ABLIM1: variants seen among roughly 807,000 people sequenced by gnomAD.
ABLIM1 encodes actin binding LIM protein 1, also known as actin-binding LIM protein 1.
Under a neutral mutation model 107.0 loss-of-function variants are expected in ABLIM1, and 40 were observed. The ratio of observed to expected loss-of-function variants is 0.37; its 90% CI spans 0.29 to 0.49. The LOEUF is 0.49. ABLIM1 is among the 20% of genes least tolerant of loss of function. The pLI is 0.97. For synonymous variants in ABLIM1, 357 were observed against 357.3 expected (o/e 1.00, Z 0.01); for missense variants, 857 against 1,008.5 (o/e 0.85, Z 2.04).
At chr10:114,639,386 C>T (rs1334681633) in intron 1 of ABLIM1, among the ~76,000 whole-genome samples, 1 of 152,224 alleles carries the variant, frequency 6.6e-6, no homozygotes, top group Non-Finnish European at 1.5e-5. Flanking sequence ...TCCATGGTTA[C>T]ACAATTACTT....
intron 6 of ABLIM1, among the ~76,000 whole-genome samples, chr10:114,521,328 C>G (rs1015893115): frequency 6.6e-6 from 1 of 152,202 alleles, no homozygotes; most frequent in Non-Finnish European, 1.5e-5. Flanking sequence ...ACTTGCAAAA[C>G]AAAGATGAGA....
intron 6 of ABLIM1, among the ~76,000 whole-genome samples, chr10:114,534,192 G>A (rs1322524955): frequency 6.6e-6 from 1 of 152,152 alleles, no homozygotes; most frequent in Non-Finnish European, 1.5e-5. Context: ...CCAGGGATGG[G>A]AGCTGGGAGG....
chr10:114,439,312 C>T (rs2059872220), intron 20 of ABLIM1, 62 bp from the exon 21 acceptor site: 7 of 1,565,208 alleles, frequency 4.5e-6, no homozygotes, highest in Non-Finnish European at 6.2e-6. Flanking sequence ...GAAGGGAGTA[C>T]TCTTGGGCTC....
chr10:114,550,892 G>C (rs2067980394), intron 4 of ABLIM1, among the ~76,000 whole-genome samples: 1 of 152,200 alleles, frequency 6.6e-6, no homozygotes, highest in Admixed American at 6.5e-5. Flanking sequence ...GGAAGATGCT[G>C]TTCAATAGAA....
upstream of ABLIM1, among the ~76,000 whole-genome samples, chr10:114,660,986 A>G (rs2141246474): frequency 6.6e-6 from 1 of 152,084 alleles, no homozygotes; most frequent in Middle Eastern, 3.4e-3. Context: ...CATTAACTCT[A>G]CCTCAGTGCT....
At chr10:114,613,561 C>G in intron 1 of ABLIM1, 1 of 710,388 alleles carries the variant, frequency 1.4e-6, no homozygotes, top group Non-Finnish European at 2.1e-6. Context: ...GCTTTTCATT[C>G]AAGTGCTTAT....
At chr10:114,586,897 T>C (rs539872462) in intron 2 of ABLIM1, among the ~76,000 whole-genome samples, 8 of 152,356 alleles carry the variant, frequency 5.3e-5, no homozygotes, top group African/African-American at 1.7e-4. Flanking sequence ...TTAGTTCTTA[T>C]ACGTTAGGAA....
rs935920163 is a variant in ABLIM1 at position 114,767,518 on chromosome 10, C to T, written c.-213+543G>A. Among the ~76,000 whole-genome samples, 2 of 152,076 alleles carry T rather than the reference C, an allele frequency of 1.3e-5. 1 individual carries two copies. Among genetic ancestry groups the T allele is most frequent in the Admixed American group, 1.3e-4 (2 of 15,266 alleles). On this transcript the variant is annotated intron_variant, in intron 1 of 15. Coordinates refer to the ABLIM1 transcript ENST00000651092. ...CAATTCTGATTTTTTTTTCTTCCAC[C>T]CATTTCACCTGCAGTAATTGTTTTA...
intron 2 of ABLIM1, among the ~76,000 whole-genome samples, chr10:114,576,666 G>C (rs759822651): frequency 2.0e-5 from 3 of 152,038 alleles, no homozygotes; most frequent in African/African-American, 4.8e-5. Flanking sequence ...TGAAAGTCAC[G>C]ACTCCCCCAC....
At chr10:114,588,026 G>A (rs2074384516) in intron 2 of ABLIM1, among the ~76,000 whole-genome samples, 1 of 152,096 alleles carries the variant, frequency 6.6e-6, no homozygotes, top group Non-Finnish European at 1.5e-5. Context: ...CCCTATGAAG[G>A]CAGAGATCAC....
Position 114,473,239 on chromosome 10 carries a change from CA to C in ABLIM1, c.1120-108del. ...TAAAAAGTGAAGGCCTTAAAATAAA[CA>C]AAAACCAAAACATCTTGCCTAACAC... is the stretch of plus-strand genomic sequence containing the variant. On this transcript the variant is annotated intron_variant, in intron 9 of 22. Coordinates refer to ENST00000533213, the MANE Select transcript of ABLIM1 (RefSeq NM_002313.7). 4 of 1,096,010 alleles carry C rather than the reference CA, an allele frequency of 3.6e-6. No homozygotes were observed. In the African/African-American group the frequency reaches 4.7e-5, roughly 13 times the overall value. 67.9% of individuals were successfully genotyped at this position (1,096,010 alleles called of 1,614,324 possible).
chr10:114,796,487 A>G, the ABLIM1 span, among the ~76,000 whole-genome samples: 1 of 152,184 alleles, frequency 6.6e-6, no homozygotes, highest in Non-Finnish European at 1.5e-5. Flanking sequence ...CAACTAGACA[A>G]GAGTGAACAC....
At chr10:114,574,532 C>T (rs1167064403) in intron 3 of ABLIM1, among the ~76,000 whole-genome samples, 6 of 152,008 alleles carry the variant, frequency 3.9e-5, no homozygotes, top group Admixed American at 1.3e-4. Context: ...CTCCGCCTCC[C>T]GGGTTCAAGC....
chr10:114,664,363 G>A (rs1290231465), intron 1 of ABLIM1, among the ~76,000 whole-genome samples: 2 of 152,188 alleles, frequency 1.3e-5, no homozygotes, highest in Non-Finnish European at 2.9e-5. Context: ...ACACGAATTA[G>A]CAGGAAACCA....
chr10:114,663,953 G>C (rs1402212756), intron 1 of ABLIM1, among the ~76,000 whole-genome samples: 1 of 152,170 alleles, frequency 6.6e-6, no homozygotes, highest in Admixed American at 6.5e-5. Context: ...TAATGGCACC[G>C]TTTGAAGTAT....
chr10:114,761,446 C>T (rs2082744519), intron 1 of ABLIM1, among the ~76,000 whole-genome samples: 1 of 152,170 alleles, frequency 6.6e-6, no homozygotes, highest in Non-Finnish European at 1.5e-5. Flanking sequence ...TCGGCTCAGT[C>T]TGCAACCAAA....
intron 21 of ABLIM1, 31 bp downstream of exon 21, chr10:114,439,145 A>G: frequency 6.2e-7 from 1 of 1,612,416 alleles, no homozygotes; most frequent in Non-Finnish European, 8.5e-7. Flanking sequence ...CGCCATTCCC[A>G]TATGAGAGGA....
chr10:114,575,355 C>A, intron 3 of ABLIM1, 61 bp downstream of exon 3: 1 of 1,577,128 alleles, frequency 6.3e-7, no homozygotes, highest in Non-Finnish European at 8.6e-7. Flanking sequence ...CCTTTAACAG[C>A]CCAAACCAGC....
At chr10:114,704,631 A>T (rs1450101285) in intron 1 of ABLIM1, among the ~76,000 whole-genome samples, 1 of 12,130 alleles carries the variant, frequency 8.2e-5, no homozygotes, top group Non-Finnish European at 1.5e-4. Flanking sequence ...GGTCATTCTA[A>T]GGGGGGTGGG....
Sources: gnomAD v4.1 joint callset for allele counts (sites outside exome capture counted in the v4.1 genomes callset) on GRCh38, gnomAD v4.1.1 for gene constraint, MANE v1.5 for transcripts, NCBI Gene and HGNC (gene_info 2026-07-23, HGNC 2026-07-21) for gene names.